PPFIBP2: variants seen among roughly 807,000 people sequenced by gnomAD.
PPFIBP2 encodes the protein PPFIB scaffold protein 2, also known as liprin-beta-2.
A neutral mutation model predicts 118.3 loss-of-function variants in PPFIBP2; 118 were observed. The ratio of observed to expected loss-of-function variants is 1.00; its 90% CI spans 0.86 to 1.16. The LOEUF (loss-of-function observed/expected upper bound fraction) is 1.16. Ranked by LOEUF, PPFIBP2 falls within the 50% of genes most tolerant of loss-of-function variation. PPFIBP2 has a pLI of 0.00. For synonymous variants in PPFIBP2, 414 were observed against 397.4 expected (o/e 1.04, Z -0.50); for missense variants, 1,195 against 1,073.1 (o/e 1.11, Z -1.59).
chr11:7,550,770 C>T (rs1852882277), intron 2 of PPFIBP2, among the ~76,000 whole-genome samples: 1 of 152,164 alleles, frequency 6.6e-6, no homozygotes, highest in East Asian at 1.9e-4. Flanking sequence ...AAGGCAGACT[C>T]ACCCTTAATC....
intron 4 of PPFIBP2, among the ~76,000 whole-genome samples, chr11:7,596,889 T>A (rs1860424006): frequency 6.6e-6 from 1 of 152,238 alleles, no homozygotes; most frequent in South Asian, 2.1e-4. Context: ...GAGTTTTTAC[T>A]AATTAATATT....
intron 2 of PPFIBP2, among the ~76,000 whole-genome samples, chr11:7,558,872 T>TA (rs1234465376): frequency 6.6e-6 from 1 of 151,778 alleles, no homozygotes; most frequent in Non-Finnish European, 1.5e-5. Context: ...TTTTGCTCCT[T>TA]AAAATAAAAA....
At chr11:7,650,790 G>C (rs1565128342) in intron 21 of PPFIBP2, 50 bp from the exon 22 acceptor site, 2 of 1,599,178 alleles carry the variant, frequency 1.3e-6, no homozygotes, top group Non-Finnish European at 1.7e-6. Flanking sequence ...AGAGGACCAT[G>C]GTGGGACCTA....
rs1053553962 is a variant in PPFIBP2, at chr11:7,634,416, G to A, written c.1137-79G>A. On this transcript the variant is annotated intron_variant, in intron 12 of 23. Coordinates refer to ENST00000299492, the MANE Select transcript of PPFIBP2 (RefSeq NM_003621.5). ...ACCTAAGCCCAAGACCATCGGTTAA[G>A]CATTTGAAATGTCCTCTGCATGAGT... The A allele has an allele frequency of 1.5e-5, 17 of 1,127,700 alleles. No individual in the cohort carries two copies. In the East Asian group the frequency reaches 4.0e-4, roughly 27 times the overall value. The allele number at this position is 1,127,700 out of a possible 1,614,324, so 69.9% of individuals were successfully genotyped here. A position where few individuals can be genotyped will look rare whatever the true frequency, so the allele number is the denominator to read the frequency against.
intron 1 of PPFIBP2, among the ~76,000 whole-genome samples, chr11:7,532,854 A>G (rs1384979202): frequency 6.6e-6 from 1 of 152,226 alleles, no homozygotes; most frequent in Admixed American, 6.5e-5. Context: ...CAAATGTTGA[A>G]ATGAAGGCTC....
chr11:7,550,266 G>T (rs768243305), intron 2 of PPFIBP2, among the ~76,000 whole-genome samples: 1 of 152,202 alleles, frequency 6.6e-6, no homozygotes, highest in Non-Finnish European at 1.5e-5. Context: ...TGGCCTCATT[G>T]GTAGATTGGA....
chr11:7,624,566 A>G (rs1007713874), intron 7 of PPFIBP2, among the ~76,000 whole-genome samples: 1 of 152,160 alleles, frequency 6.6e-6, no homozygotes, highest in African/African-American at 2.4e-5. Context: ...GTGGGACATG[A>G]TTGGGCCAAC....
chr11:7,644,283 CTT>C (rs1852647984), intron 17 of PPFIBP2, among the ~76,000 whole-genome samples: 1 of 152,132 alleles, frequency 6.6e-6, no homozygotes, highest in East Asian at 1.9e-4. Context: ...GGTTCATCCA[CTT>C]TGTGAATTCT....
chr11:7,650,769 G>T, intron 21 of PPFIBP2, 71 bp from the exon 22 acceptor site: 2 of 1,536,470 alleles, frequency 1.3e-6, no homozygotes, highest in Admixed American at 3.5e-5. Context: ...ACTTACCGGG[G>T]CTGACTCCAC....
Position 7,642,412 on chromosome 11 carries a change from C to T in PPFIBP2, c.1632C>T (p.Ser544=). The stretch of plus-strand genomic sequence containing the variant: ...CAAGACTCTCTAGGACCAGGGACTC[C>T]AAGGGACAGAAAAGGTAAGGCTTGA... ...AGPRLSRTRD[S]KGQKSDANAP... is the part of the protein sequence containing the mutation. Residue 544 remains serine, a synonymous_variant, in exon 17 of 24, where the codon TCC becomes TCT. Transcript: ENST00000299492. 6.2e-7 allele frequency: 1 copy of T among 1,613,610 alleles called. No homozygotes were observed. Among genetic ancestry groups the T allele is most frequent in the Non-Finnish European group, 8.5e-7 (1 of 1,179,712 alleles).
chr11:7,594,276 G>GTT (rs148062094), intron 4 of PPFIBP2, among the ~76,000 whole-genome samples: 49,470 of 151,526 alleles, frequency 0.33, 8,410 homozygotes, highest in East Asian at 0.44. Flanking sequence ...CAGTGTTGTT[G>GTT]GTTTTTTTTC....
At chr11:7,578,616 T>C (rs1425266062) in intron 3 of PPFIBP2, among the ~76,000 whole-genome samples, 1 of 152,020 alleles carries the variant, frequency 6.6e-6, no homozygotes, top group East Asian at 1.9e-4. Flanking sequence ...ATACTGGAGA[T>C]GTAGGTGAAA....
At chr11:7,636,875 C>G (rs1851524411) in intron 14 of PPFIBP2, among the ~76,000 whole-genome samples, 1 of 152,242 alleles carries the variant, frequency 6.6e-6, no homozygotes, top group African/African-American at 2.4e-5. Context: ...AATAGCTACA[C>G]AGGTGCAGAA....
intron 12 of PPFIBP2, 32 bp from the exon 13 acceptor site, chr11:7,634,463 A>T (rs1020306074): frequency 4.5e-6 from 7 of 1,552,010 alleles, no homozygotes; most frequent in African/African-American, 1.4e-5. Context: ...CCTCCTTCTC[A>T]TAACTATTTC....
intron 7 of PPFIBP2, among the ~76,000 whole-genome samples, chr11:7,623,259 G>C (rs1052866396): frequency 6.6e-6 from 1 of 152,170 alleles, no homozygotes; most frequent in African/African-American, 2.4e-5. Flanking sequence ...AATGGCAGTA[G>C]GGCATGGTCC....
At chr11:7,545,250 G>A (rs1192902364) in intron 1 of PPFIBP2, among the ~76,000 whole-genome samples, 3 of 152,112 alleles carry the variant, frequency 2.0e-5, no homozygotes, top group Non-Finnish European at 4.4e-5. Flanking sequence ...CCAACATGGT[G>A]AAATCCTGTC....
At chr11:7,539,983 A>G (rs1851611651) in intron 1 of PPFIBP2, among the ~76,000 whole-genome samples, 1 of 149,212 alleles carries the variant, frequency 6.7e-6, no homozygotes, top group Admixed American at 6.7e-5. Context: ...GAATTTTATA[A>G]ATAGGTAAAA....
intron 1 of PPFIBP2, among the ~76,000 whole-genome samples, chr11:7,529,764 G>A (rs973734312): frequency 2.0e-5 from 3 of 152,318 alleles, no homozygotes; most frequent in East Asian, 1.9e-4. Context: ...CTCATAACTC[G>A]GCCTGTTCAC....
At chr11:7,579,950 T>TAA (rs113895199) in intron 3 of PPFIBP2, among the ~76,000 whole-genome samples, 6 of 143,864 alleles carry the variant, frequency 4.2e-5, no homozygotes, top group African/African-American at 7.6e-5. Context: ...AAAATCTTCT[T>TAA]AAAAAAAAAA....
Sources: allele counts gnomAD v4.1 joint callset (sites outside exome capture counted in the v4.1 genomes callset), GRCh38; gene constraint gnomAD v4.1.1; transcripts MANE v1.5; gene names NCBI Gene and HGNC (gene_info 2026-07-23, HGNC 2026-07-21).